The following TYW1B variants were observed in gnomAD, a reference collection of about 807,000 sequenced individuals.
TYW1B encodes S-adenosyl-L-methionine-dependent tRNA 4-demethylwyosine synthase TYW1B.
TYW1B carries 73 observed loss-of-function variants against 86.9 expected under a neutral mutation model. The observed-to-expected ratio is 0.84, with a 90% CI of 0.70 to 1.02. TYW1B has a LOEUF of 1.02. Ranked by LOEUF, TYW1B falls within the 50% of genes least tolerant of loss-of-function variation. TYW1B has a pLI of 0.00. For missense variants in TYW1B, 637 were observed against 827.4 expected (o/e 0.77, Z 2.82); for synonymous variants, 248 against 292.8 (o/e 0.85, Z 1.56).
At chr7:72,626,071 A>G (rs1271065935) in intron 12 of TYW1B, among the ~76,000 whole-genome samples, 3 of 151,818 alleles carry the variant, frequency 2.0e-5, no homozygotes, top group Admixed American at 1.3e-4. Context: ...GCTGATACAT[A>G]TATTTTCAGC....
intron 12 of TYW1B, among the ~76,000 whole-genome samples, chr7:72,625,253 C>T (rs1461398585): frequency 6.6e-6 from 1 of 152,018 alleles, no homozygotes; most frequent in Non-Finnish European, 1.5e-5. Flanking sequence ...ATGGAGAGAG[C>T]TCAAAAATAT....
intron 13 of TYW1B, among the ~76,000 whole-genome samples, chr7:72,577,301 G>A (rs1438755336): frequency 2.6e-5 from 4 of 152,068 alleles, no homozygotes; most frequent in African/African-American, 2.4e-5. Context: ...GAGCTTTCTA[G>A]GGGGAAAATG....
intron 9 of TYW1B, among the ~76,000 whole-genome samples, chr7:72,720,848 G>A (rs1283001397): frequency 7.9e-5 from 12 of 151,954 alleles, no homozygotes; most frequent in Admixed American, 3.3e-4. Flanking sequence ...TGCTGCACCC[G>A]TTAACTCGTC....
At position 72,632,360 on chromosome 7, in the gene TYW1B, TATATACGC is replaced by T. The variant is rs1554439997; in HGVS notation, c.1507-3371_1507-3364del. 4.2e-5 allele frequency among the ~76,000 whole-genome samples: 5 copies of T among 120,164 alleles called. No individual in the cohort carries two copies. The East Asian group carries it at 6.6e-4, about 16-fold the overall frequency. 78.8% of individuals were successfully genotyped at this position (120,164 alleles called of 152,430 possible). On this transcript the variant is annotated intron_variant, in intron 11 of 13. Coordinates refer to ENST00000620995, the MANE Select transcript of TYW1B (RefSeq NM_001145440.3). ...ACGTATATATATTATATATATTATA[TATATACGC>T]ATATATATTATATATATACGTATAT...
chr7:72,805,614 A>C (rs1341925544), intron 5 of TYW1B, among the ~76,000 whole-genome samples: 1 of 115,298 alleles, frequency 8.7e-6, no homozygotes, highest in Non-Finnish European at 1.7e-5. Flanking sequence ...ACCCTTTCTC[A>C]AAAAAAAAAA....
chr7:72,711,785 C>T (rs1445242418), intron 10 of TYW1B, among the ~76,000 whole-genome samples: 4 of 151,790 alleles, frequency 2.6e-5, no homozygotes, highest in Non-Finnish European at 5.9e-5. Context: ...CTGCGCCCTG[C>T]CCCTTTAATT....
chr7:72,751,903 C>T lies in TYW1B; in HGVS notation c.965-7302G>A, dbSNP rs186071799. On this transcript the variant is annotated intron_variant, in intron 7 of 13. Transcript: ENST00000620995. Reference sequence around the variant, plus strand: ...AGACTCCCACTGGTCCCTGCTGGAGCTATCTGAGGGGGAGGGAGGGGCTCC... The same window carrying T: ...AGACTCCCACTGGTCCCTGCTGGAGTTATCTGAGGGGGAGGGAGGGGCTCC... Among the ~76,000 whole-genome samples, 468 of 152,312 alleles carry T rather than the reference C, an allele frequency of 3.1e-3. 4 individuals are homozygous for T. Among genetic ancestry groups the T allele is most frequent in the African/African-American group, 9.4e-3 (390 of 41,574 alleles).
At chr7:72,653,756 C>T (rs1235113867) in intron 11 of TYW1B, among the ~76,000 whole-genome samples, 1 of 151,800 alleles carries the variant, frequency 6.6e-6, no homozygotes, top group African/African-American at 2.4e-5. Context: ...CAATGAAAAG[C>T]ATTTGACAAA....
chr7:72,667,043 A>AAAAAAG (rs1813481290), intron 11 of TYW1B, among the ~76,000 whole-genome samples: 1 of 149,054 alleles, frequency 6.7e-6, no homozygotes, highest in South Asian at 2.1e-4. Context: ...AAAAAAAAAA[A>AAAAAAG]AAAAAAAAGA....
rs1554450863 is a variant in TYW1B, at chr7:72,693,732, TCCTTC to T, written c.1506+950_1506+954del. ...TTTTAAGGTGGTTACGTACAGTCGG[TCCTTC>T]ATATCTGTGGGCTCCATTTCCACAC... On this transcript the variant is annotated intron_variant, in intron 11 of 13. Coordinates refer to ENST00000620995, the MANE Select transcript of TYW1B (RefSeq NM_001145440.3). 3.9e-5 allele frequency among the ~76,000 whole-genome samples: 6 copies of T among 152,164 alleles called. No individual in the cohort carries two copies. The East Asian group carries it at 1.2e-3, about 29-fold the overall frequency.
chr7:72,716,645 G>T (rs1786790723), intron 9 of TYW1B, among the ~76,000 whole-genome samples: 1 of 151,812 alleles, frequency 6.6e-6, no homozygotes, highest in East Asian at 1.9e-4. Context: ...TGTTGTTGTT[G>T]TTGTTGTTTT....
chr7:72,734,268 A>AAAAAAAAAAAAC lies in TYW1B; in HGVS notation c.1083-5338_1083-5337insGTTTTTTTTTTT, dbSNP rs56806378. Among the ~76,000 whole-genome samples, 5 of 98,160 alleles carry AAAAAAAAAAAAC rather than the reference A, an allele frequency of 5.1e-5. 1 individual carries two copies. The highest frequency in any genetic ancestry group is 1.8e-4 in the African/African-American group (5 of 28,306). The allele number at this position is 98,160 out of a possible 152,430, so 64.4% of individuals were successfully genotyped here. On this transcript the variant is annotated intron_variant, in intron 8 of 13. Coordinates refer to ENST00000620995, the MANE Select transcript of TYW1B (RefSeq NM_001145440.3). Reference sequence around the variant, plus strand: ...TTAAAACTCCATCTCAAAAAAAAAAAACACAACAAAAAAACTATAAACCTA... The same window carrying AAAAAAAAAAAAC: ...TTAAAACTCCATCTCAAAAAAAAAAAAAAAAAAAAAACACACAACAAAAAAACTATAAACCTA...
intron 11 of TYW1B, among the ~76,000 whole-genome samples, chr7:72,692,866 G>A (rs1332408987): frequency 9.2e-5 from 14 of 152,276 alleles, no homozygotes; most frequent in African/African-American, 2.4e-4. Context: ...AAATGGCAAC[G>A]TAAGCAGGGA....
intron 7 of TYW1B, among the ~76,000 whole-genome samples, chr7:72,748,202 G>C (rs1299546655): frequency 1.9e-4 from 29 of 152,092 alleles, no homozygotes; most frequent in Admixed American, 1.8e-3. Context: ...CTGGAAGGCA[G>C]AGCTTGCAGT....
chr7:72,686,316 T>C (rs13241562), intron 11 of TYW1B, among the ~76,000 whole-genome samples: 1 of 152,160 alleles, frequency 6.6e-6, no homozygotes, highest in Non-Finnish European at 1.5e-5. Flanking sequence ...AACCAGGATG[T>C]CCTTCAGTAG....
chr7:72,706,636 T>C (rs1814622965), intron 10 of TYW1B, among the ~76,000 whole-genome samples: 1 of 152,126 alleles, frequency 6.6e-6, no homozygotes. Flanking sequence ...ATTTCTCTTA[T>C]AAGAAAATCA....
intron 11 of TYW1B, 23 bp from the exon 12 acceptor site, chr7:72,629,020 T>C (rs1554439429): frequency 6.4e-7 from 1 of 1,574,552 alleles, no homozygotes; most frequent in South Asian, 1.2e-5. Context: ...AAAAGCCAAC[T>C]TCGTTGTTAT....
chr7:72,776,281 A>T (rs140027000), intron 7 of TYW1B, among the ~76,000 whole-genome samples: 113 of 152,282 alleles, frequency 7.4e-4, no homozygotes, highest in African/African-American at 2.5e-3. Context: ...TATACTATGA[A>T]ATGATAAAGT....
chr7:72,815,324 G>C (rs1396096440), intron 3 of TYW1B, 56 bp downstream of exon 3: 4 of 1,417,190 alleles, frequency 2.8e-6, no homozygotes, highest in Non-Finnish European at 3.8e-6. Flanking sequence ...TTACTGTGAA[G>C]ATTGCAGATC....
Sources: allele counts gnomAD v4.1 joint callset (sites outside exome capture counted in the v4.1 genomes callset), GRCh38; gene constraint gnomAD v4.1.1; transcripts MANE v1.5; gene names NCBI Gene and HGNC (gene_info 2026-07-23, HGNC 2026-07-21).